TFDP2: variants seen among roughly 807,000 people sequenced by gnomAD.
TFDP2 encodes transcription factor Dp-2 (E2F dimerization partner 2).
A neutral mutation model predicts 59.3 loss-of-function variants in TFDP2; 17 were observed. The ratio of observed to expected loss-of-function variants is 0.29; its 90% CI spans 0.20 to 0.43. The LOEUF is 0.43. Ranked by LOEUF, TFDP2 falls within the 20% of genes least tolerant of loss-of-function variation. TFDP2 has a pLI of 1.00. For missense variants in TFDP2, 391 were observed against 528.8 expected (o/e 0.74, Z 2.56); for synonymous variants, 180 against 194.7 (o/e 0.92, Z 0.63).
chr3:141,973,110 TA>T (rs1940029696), intron 8 of TFDP2, among the ~76,000 whole-genome samples: 4 of 109,754 alleles, frequency 3.6e-5, no homozygotes, highest in African/African-American at 1.5e-4. Flanking sequence ...TATATATATA[TA>T]TATATATATA....
intron 9 of TFDP2, among the ~76,000 whole-genome samples, chr3:141,966,564 CTGACT>C (rs1425630227): frequency 5.9e-5 from 9 of 151,834 alleles, no homozygotes; most frequent in African/African-American, 2.2e-4. Context: ...TTATTTTGAA[CTGACT>C]TATTTGTTGC....
chr3:142,129,422 C>T (rs1288937539), intron 1 of TFDP2, among the ~76,000 whole-genome samples: 1 of 151,576 alleles, frequency 6.6e-6, no homozygotes, highest in East Asian at 1.9e-4. Flanking sequence ...GAGAATGATA[C>T]CAAAGGCACA....
At chr3:142,023,271 G>A (rs997074339) in intron 3 of TFDP2, among the ~76,000 whole-genome samples, 25 of 150,658 alleles carry the variant, frequency 1.7e-4, no homozygotes, top group Admixed American at 7.9e-4. Flanking sequence ...CGTAACCTCC[G>A]CCTCCCGCGT....
intron 3 of TFDP2, among the ~76,000 whole-genome samples, chr3:142,063,602 AAAT>A (rs1464023597): frequency 3.3e-5 from 5 of 152,260 alleles, no homozygotes; most frequent in African/African-American, 1.2e-4. Context: ...GAATTGCCAG[AAAT>A]AATGTTTGCA....
intron 3 of TFDP2, among the ~76,000 whole-genome samples, chr3:142,092,738 T>G (rs187044568): frequency 2.0e-5 from 3 of 152,356 alleles, no homozygotes; most frequent in Non-Finnish European, 4.4e-5. Flanking sequence ...TTCTCTACTG[T>G]ACTTCCTTAC....
intron 3 of TFDP2, among the ~76,000 whole-genome samples, chr3:142,053,354 C>T (rs1378758259): frequency 6.6e-6 from 1 of 151,916 alleles, no homozygotes; most frequent in East Asian, 1.9e-4. Context: ...AACAGTATGG[C>T]ACCTCCCTCC....
chr3:142,048,835 G>A (rs1947473435), intron 3 of TFDP2, among the ~76,000 whole-genome samples: 1 of 152,140 alleles, frequency 6.6e-6, no homozygotes, highest in Non-Finnish European at 1.5e-5. Context: ...CAAAGTGGTG[G>A]GATTACAGGC....
At chr3:142,024,777 T>C (rs1449122178) in intron 3 of TFDP2, among the ~76,000 whole-genome samples, 2 of 152,180 alleles carry the variant, frequency 1.3e-5, no homozygotes, top group Non-Finnish European at 2.9e-5. Flanking sequence ...CCCAGCACTT[T>C]GGGAGGTCGA....
At chr3:142,045,357 G>A (rs562127421) in intron 3 of TFDP2, among the ~76,000 whole-genome samples, 6 of 151,904 alleles carry the variant, frequency 3.9e-5, no homozygotes, top group South Asian at 2.1e-4. Flanking sequence ...ACAGGATTTC[G>A]CCATGTTGGC....
intron 3 of TFDP2, among the ~76,000 whole-genome samples, chr3:142,020,997 A>C (rs917133061): frequency 1.4e-5 from 2 of 148,114 alleles, no homozygotes; most frequent in Non-Finnish European, 3.0e-5. Flanking sequence ...AAAAAAAAAA[A>C]TAGTTTTCAC....
At chr3:142,026,586 A>C (rs1402832404) in intron 3 of TFDP2, among the ~76,000 whole-genome samples, 1 of 152,242 alleles carries the variant, frequency 6.6e-6, no homozygotes, top group African/African-American at 2.4e-5. Flanking sequence ...AGTGCCTCAT[A>C]TGTGAAAGAG....
At chr3:142,061,018 A>T (rs2059900498) in intron 3 of TFDP2, among the ~76,000 whole-genome samples, 1 of 152,254 alleles carries the variant, frequency 6.6e-6, no homozygotes, top group Non-Finnish European at 1.5e-5. Context: ...CAATCATAAA[A>T]GTATAATTCA....
chr3:142,058,319 G>GTT (rs397876925), intron 3 of TFDP2, among the ~76,000 whole-genome samples: 2 of 137,646 alleles, frequency 1.5e-5, no homozygotes, highest in African/African-American at 2.7e-5. Context: ...AAATGTTTGG[G>GTT]TTTTTTTTTT....
chr3:142,117,191 G>A (rs2061878619), intron 1 of TFDP2, among the ~76,000 whole-genome samples: 1 of 152,098 alleles, frequency 6.6e-6, no homozygotes. Flanking sequence ...AAATTGCTGG[G>A]ATTACAGGCA....
At chr3:142,022,306 T>C (rs1476201327) in intron 3 of TFDP2, among the ~76,000 whole-genome samples, 1 of 152,252 alleles carries the variant, frequency 6.6e-6, no homozygotes, top group East Asian at 1.9e-4. Flanking sequence ...TCTTATGGTC[T>C]GGTAAGACTC....
chr3:141,984,924 C>G lies in TFDP2; in HGVS notation c.357-6242G>C, dbSNP rs147831680. On this transcript the variant is annotated intron_variant, in intron 6 of 12. Coordinates refer to ENST00000489671, the MANE Select transcript of TFDP2 (RefSeq NM_001178139.2). ...ACTCTATTGTATTCATTTTACTGTTCTTCTTCTTTTTTTTTACATTGCTCC... is the reference window on the plus strand; with the variant it reads ...ACTCTATTGTATTCATTTTACTGTTGTTCTTCTTTTTTTTTACATTGCTCC... Among the ~76,000 whole-genome samples, 709 of 151,906 alleles carry G rather than the reference C, an allele frequency of 4.7e-3. 6 individuals are homozygous for G. The highest frequency in any genetic ancestry group is 0.016 in the African/African-American group (675 of 41,374).
At chr3:142,000,483 G>T (rs1368626272) in intron 4 of TFDP2, 1 of 482,396 alleles carries the variant, frequency 2.1e-6, no homozygotes, top group African/African-American at 1.9e-5. Flanking sequence ...TACCACCACA[G>T]TAGGGATTAG....
intron 3 of TFDP2, among the ~76,000 whole-genome samples, chr3:142,065,590 C>A (rs1272420283): frequency 6.6e-6 from 1 of 151,978 alleles, no homozygotes; most frequent in Non-Finnish European, 1.5e-5. Flanking sequence ...CGGCTCACTG[C>A]AACCTCTGCC....
At position 141,952,476 on chromosome 3, in the gene TFDP2, G is replaced by A; in HGVS notation, c.*37C>T. The A allele has an allele frequency of 1.3e-6, 2 of 1,492,228 alleles. No homozygotes were observed. Among genetic ancestry groups the A allele is most frequent in the Non-Finnish European group, 1.8e-6 (2 of 1,126,230 alleles). The allele number at this position is 1,492,228 out of a possible 1,614,324, so 92.4% of individuals were successfully genotyped here. ...AAGAGCTCACACTACAAACACACAT[G>A]AGCATCACATATTGAAACGTAGGCT... On this transcript the variant is annotated 3_prime_UTR_variant, in exon 13 of 13. Transcript: ENST00000489671.
Sources: allele counts gnomAD v4.1 joint callset (sites outside exome capture counted in the v4.1 genomes callset), GRCh38; gene constraint gnomAD v4.1.1; transcripts MANE v1.5; gene names NCBI Gene and HGNC (gene_info 2026-07-23, HGNC 2026-07-21).